Variants in NFAT5 observed in about 807,000 individuals in gnomAD.
The protein encoded by NFAT5 is nuclear factor of activated T-cells 5.
A neutral mutation model predicts 166.5 loss-of-function variants in NFAT5; 31 were observed. The observed-to-expected ratio is 0.19, with a 90% CI of 0.14 to 0.25. The LOEUF (loss-of-function observed/expected upper bound fraction) is 0.25. NFAT5 is among the 10% of genes least tolerant of loss of function. The pLI is 1.00. For synonymous variants in NFAT5, 612 were observed against 639.7 expected (o/e 0.96, Z 0.65); for missense variants, 1,449 against 1,821.8 (o/e 0.80, Z 3.72).
chr16:69,636,981 G>A (rs1387125117), intron 3 of NFAT5, among the ~76,000 whole-genome samples: 2 of 152,044 alleles, frequency 1.3e-5, no homozygotes, highest in Admixed American at 6.6e-5. Flanking sequence ...TTCCATACTT[G>A]TATGCTTTGC....
chr16:69,587,189 C>A (rs1399385568), intron 2 of NFAT5, among the ~76,000 whole-genome samples: 2 of 150,800 alleles, frequency 1.3e-5, no homozygotes, highest in South Asian at 2.1e-4. Flanking sequence ...TCAATTGATT[C>A]TTCTGCCTCA....
At chr16:69,669,915 G>T in intron 7 of NFAT5, 62 bp from the exon 8 acceptor site, 2 of 1,448,118 alleles carry the variant, frequency 1.4e-6, no homozygotes, top group Non-Finnish European at 1.8e-6. Flanking sequence ...ATTGCAAGTT[G>T]ATTTTAGGTA....
intron 9 of NFAT5, among the ~76,000 whole-genome samples, chr16:69,674,269 C>T (rs1305882975): frequency 2.1e-5 from 3 of 145,800 alleles, no homozygotes; most frequent in African/African-American, 7.6e-5. Flanking sequence ...AAAAGTAATA[C>T]GGTATTATAA....
chr16:69,688,200 C>CT (rs1354680069), intron 11 of NFAT5, among the ~76,000 whole-genome samples: 1 of 30,484 alleles, frequency 3.3e-5, no homozygotes, highest in Non-Finnish European at 5.6e-5. Context: ...GAGACTCCGT[C>CT]TCAAAAAAAA....
Position 69,691,036 on chromosome 16 carries a change from A to T in NFAT5, c.1871A>T (p.Asp624Val), listed in dbSNP as rs1427215969. The T allele has an allele frequency of 3.1e-6, 5 of 1,607,908 alleles. No homozygotes were observed. The Admixed American group carries it at 8.4e-5, about 27-fold the overall frequency. Residue 624 changes from aspartate (D) to valine (V), a missense_variant, in exon 12 of 15, where the codon GAT (aspartate) becomes GTT (valine). Coordinates refer to ENST00000349945, the MANE Select transcript of NFAT5 (RefSeq NM_138713.4). ...LIPSSMIKSE[D>V]VTPMEVTAEK... ...CCAAGCAGTATGATTAAGAGTGAAGATGTTACTCCAATGGAAGTAACAGCA... is the reference window on the plus strand; with the variant it reads ...CCAAGCAGTATGATTAAGAGTGAAGTTGTTACTCCAATGGAAGTAACAGCA...
chr16:69,621,714 C>T (rs998079739), intron 2 of NFAT5, among the ~76,000 whole-genome samples: 2 of 152,106 alleles, frequency 1.3e-5, no homozygotes, highest in African/African-American at 4.8e-5. Flanking sequence ...GTCTGTAATC[C>T]AGGCACTTTG....
intron 3 of NFAT5, among the ~76,000 whole-genome samples, chr16:69,637,893 T>TGAA (rs1295599394): frequency 6.6e-6 from 1 of 152,232 alleles, no homozygotes; most frequent in African/African-American, 2.4e-5. Flanking sequence ...ATTTTTTTAA[T>TGAA]GAAGTGATTT....
At chr16:69,662,721 A>G (rs1035092299) in intron 7 of NFAT5, among the ~76,000 whole-genome samples, 1 of 152,048 alleles carries the variant, frequency 6.6e-6, no homozygotes, top group Non-Finnish European at 1.5e-5. Context: ...CGGCCTCCCA[A>G]AGTGCTGGGG....
Position 69,653,362 on chromosome 16 carries a change from G to A in NFAT5, c.939G>A (p.Arg313=), listed in dbSNP as rs779894815. The A allele has an allele frequency of 1.1e-5, 18 of 1,611,636 alleles. No homozygotes were observed. The Admixed American group carries it at 3.0e-4, about 27-fold the overall frequency. Residue 313 remains arginine, a synonymous_variant, in exon 5 of 15, where the codon CGG becomes CGA. Coordinates refer to ENST00000349945, the MANE Select transcript of NFAT5 (RefSeq NM_138713.4). ...VVQPETQHRA[R]YLTEGSRGSV... is the part of the protein sequence containing the mutation. ...AACCTGAGACACAGCACCGAGCTCGGTACCTGACTGAGGGCAGCCGTGGCT... is the reference window on the plus strand; with the variant it reads ...AACCTGAGACACAGCACCGAGCTCGATACCTGACTGAGGGCAGCCGTGGCT...
intron 7 of NFAT5, 68 bp from the exon 8 acceptor site, chr16:69,669,909 C>T (rs1287018329): frequency 1.8e-5 from 25 of 1,388,104 alleles, no homozygotes; most frequent in Non-Finnish European, 2.3e-5. Flanking sequence ...CGGATGATTG[C>T]AAGTTGATTT....
Position 69,701,310 on chromosome 16 carries a change from TTA to T in NFAT5, c.*4961_*4962del. ...ATTCTAGCCTCATTTATTAATAAAA[TTA>T]TGTTTTTACTTTCTCTTTCAGGAAA... On this transcript the variant is annotated 3_prime_UTR_variant, in exon 15 of 15. Coordinates refer to ENST00000349945, the MANE Select transcript of NFAT5 (RefSeq NM_138713.4). 1 of 152,672 alleles carries T rather than the reference TTA, an allele frequency of 6.5e-6. No homozygotes were observed. Among genetic ancestry groups the T allele is most frequent in the Non-Finnish European group, 1.5e-5 (1 of 68,012 alleles). 9.5% of individuals were successfully genotyped at this position (152,672 alleles called of 1,614,324 possible). A position where few individuals can be genotyped will look rare whatever the true frequency, so the allele number is the denominator to read the frequency against.
chr16:69,599,039 A>AT (rs1469768426), intron 2 of NFAT5, among the ~76,000 whole-genome samples: 6 of 151,438 alleles, frequency 4.0e-5, no homozygotes, highest in African/African-American at 1.5e-4. Context: ...AAAAAAAAAA[A>AT]AGTCAGGGTA....
chr16:69,660,262 A>G (rs1436387062), intron 7 of NFAT5, among the ~76,000 whole-genome samples: 1 of 152,152 alleles, frequency 6.6e-6, no homozygotes. Context: ...TCTCTACAAA[A>G]TAAAAAAATA....
At chr16:69,618,158 C>CAAAA (rs549536024) in intron 2 of NFAT5, among the ~76,000 whole-genome samples, 1 of 84,380 alleles carries the variant, frequency 1.2e-5, no homozygotes, top group Non-Finnish European at 2.5e-5. Flanking sequence ...AACTCCATCT[C>CAAAA]AAAAAAAAAA....
chr16:69,670,316 G>T, intron 9 of NFAT5, 28 bp downstream of exon 9: 2 of 1,411,648 alleles, frequency 1.4e-6, no homozygotes, highest in South Asian at 1.3e-5. Flanking sequence ...TTTATAATTT[G>T]GTTATTTACT....
rs1381731934 is a variant in NFAT5, at chr16:69,568,416, T to C, written c.74-79T>C. The C allele has an allele frequency of 8.5e-6, 7 of 820,364 alleles. 1 individual carries two copies. The South Asian group carries it at 9.2e-5, about 11-fold the overall frequency. 50.8% of individuals were successfully genotyped at this position (820,364 alleles called of 1,614,324 possible). Reference sequence around the variant, plus strand: ...TATACACACACACACATTGCAGTTATATAAGAGATGTATGCTATCCTTGGC... The same window carrying C: ...TATACACACACACACATTGCAGTTACATAAGAGATGTATGCTATCCTTGGC... On this transcript the variant is annotated intron_variant, in intron 1 of 14. Transcript: ENST00000349945.
intron 2 of NFAT5, among the ~76,000 whole-genome samples, chr16:69,616,308 A>C (rs2033942560): frequency 6.6e-6 from 1 of 151,916 alleles, no homozygotes; most frequent in African/African-American, 2.4e-5. Context: ...CCTGCCGGGT[A>C]ACCTCTGATA....
At chr16:69,648,931 T>C in intron 4 of NFAT5, 1 of 972,028 alleles carries the variant, frequency 1.0e-6, no homozygotes, top group Non-Finnish European at 1.2e-6. Context: ...ATCTACCCTT[T>C]AAGCAATAAT....
chr16:69,598,351 C>A (rs1472458273), intron 2 of NFAT5, among the ~76,000 whole-genome samples: 1 of 147,676 alleles, frequency 6.8e-6, no homozygotes, highest in Non-Finnish European at 1.5e-5. Context: ...GCACGCCAGC[C>A]TGGGTGACAG....
Sources: allele counts gnomAD v4.1 joint callset (sites outside exome capture counted in the v4.1 genomes callset), GRCh38; gene constraint gnomAD v4.1.1; transcripts MANE v1.5; gene names NCBI Gene and HGNC (gene_info 2026-07-23, HGNC 2026-07-21).